Variants in CCDC6 observed in about 807,000 individuals in gnomAD.
The protein encoded by CCDC6 is coiled-coil domain-containing protein 6.
Under a neutral mutation model 56.6 loss-of-function variants are expected in CCDC6, and 20 were observed. The observed-to-expected ratio is 0.35, with a 90% CI of 0.25 to 0.51. The LOEUF (loss-of-function observed/expected upper bound fraction) is 0.51. Among genes scored for constraint, CCDC6 ranks in the 20% least tolerant of loss-of-function variants. The pLI is 0.95. For synonymous variants in CCDC6, 241 were observed against 234.4 expected (o/e 1.03, Z -0.26); for missense variants, 367 against 601.1 (o/e 0.61, Z 4.07).
intron 7 of CCDC6, among the ~76,000 whole-genome samples, chr10:59,798,039 G>A (rs935055116): frequency 3.3e-5 from 5 of 152,166 alleles, no homozygotes; most frequent in Admixed American, 2.0e-4. Flanking sequence ...GTCACCAGCC[G>A]GTCTGGGGAA....
chr10:59,793,204 C>G, intron 8 of CCDC6, 93 bp from the exon 9 acceptor site: 1 of 912,512 alleles, frequency 1.1e-6, no homozygotes, highest in Non-Finnish European at 1.7e-6. Flanking sequence ...GCTAATCAAA[C>G]ACTAACCAAC....
intron 1 of CCDC6, among the ~76,000 whole-genome samples, chr10:59,881,137 T>C (rs2071331784): frequency 1.3e-5 from 2 of 152,136 alleles, no homozygotes; most frequent in African/African-American, 2.4e-5. Context: ...TCCACCATAA[T>C]AGCCATCTTC....
At chr10:59,886,976 C>A (rs568008169) in intron 1 of CCDC6, among the ~76,000 whole-genome samples, 1 of 152,312 alleles carries the variant, frequency 6.6e-6, no homozygotes, top group African/African-American at 2.4e-5. Flanking sequence ...TTTGAGAAAA[C>A]CCTCTGACAG....
intron 3 of CCDC6, among the ~76,000 whole-genome samples, chr10:59,822,897 T>C: frequency 7.7e-6 from 1 of 129,794 alleles, no homozygotes. Flanking sequence ...ACCCTATGCT[T>C]ATAAAAAAAA....
chr10:59,831,727 C>T (rs988540041), intron 3 of CCDC6, among the ~76,000 whole-genome samples: 1 of 152,138 alleles, frequency 6.6e-6, no homozygotes, highest in Non-Finnish European at 1.5e-5. Flanking sequence ...CGGGGAACAC[C>T]GAGGCTAGCA....
chr10:59,844,976 A>G (rs1418250539), intron 2 of CCDC6, among the ~76,000 whole-genome samples: 1 of 152,146 alleles, frequency 6.6e-6, no homozygotes, highest in African/African-American at 2.4e-5. Context: ...GCAGGATATA[A>G]CTCCGTATTT....
chr10:59,868,594 TAGG>T (rs61394488), intron 1 of CCDC6, among the ~76,000 whole-genome samples: 2,591 of 152,280 alleles, frequency 0.017, 66 homozygotes, highest in African/African-American at 0.058. Flanking sequence ...CTGAGGTTGA[TAGG>T]GGTTTGGCAT....
At chr10:59,840,768 T>C (rs1441582747) in intron 2 of CCDC6, among the ~76,000 whole-genome samples, 3 of 152,174 alleles carry the variant, frequency 2.0e-5, no homozygotes, top group African/African-American at 7.2e-5. Context: ...TCTTGATCCT[T>C]TTTTTCTACA....
rs74983879 is a variant in CCDC6, at chr10:59,792,166, T to C, written c.*751A>G. On this transcript the variant is annotated 3_prime_UTR_variant, in exon 9 of 9. Coordinates refer to ENST00000263102, the MANE Select transcript of CCDC6 (RefSeq NM_005436.5). ...GGTGAGTAGGACAACATTTATCGAC[T>C]CATGTTAGAGGGGGCCAGGTTAAGT... The C allele has an allele frequency of 4.7e-4, 112 of 238,120 alleles. 1 individual carries two copies. The East Asian group carries it at 6.6e-3, about 14-fold the overall frequency. 14.8% of individuals were successfully genotyped at this position (238,120 alleles called of 1,614,324 possible). A position where few individuals can be genotyped will look rare whatever the true frequency, so the allele number is the denominator to read the frequency against.
chr10:59,862,542 C>CATATAT (rs1564751057), intron 1 of CCDC6, among the ~76,000 whole-genome samples: 11 of 109,584 alleles, frequency 1.0e-4, no homozygotes, highest in Admixed American at 3.5e-4. Context: ...CACACACACA[C>CATATAT]ACACACACAC....
intron 1 of CCDC6, among the ~76,000 whole-genome samples, chr10:59,863,804 T>C (rs1184378604): frequency 3.9e-5 from 6 of 152,162 alleles, no homozygotes; most frequent in Admixed American, 3.9e-4. Flanking sequence ...GATACAGACT[T>C]AAATATATGA....
intron 2 of CCDC6, among the ~76,000 whole-genome samples, chr10:59,839,036 C>T (rs577254918): frequency 4.6e-5 from 7 of 152,312 alleles, no homozygotes; most frequent in African/African-American, 1.7e-4. Flanking sequence ...GCTAATGCTT[C>T]AGGGCGATTA....
chr10:59,812,891 C>G (rs1328585173), intron 4 of CCDC6, 96 bp from the exon 5 acceptor site: 4 of 813,974 alleles, frequency 4.9e-6, no homozygotes, highest in Non-Finnish European at 7.9e-6. Flanking sequence ...AAAGCAAACT[C>G]CTGTTTACTG....
intron 1 of CCDC6, among the ~76,000 whole-genome samples, chr10:59,854,269 A>G (rs1348823135): frequency 2.0e-5 from 3 of 152,028 alleles, no homozygotes; most frequent in African/African-American, 7.2e-5. Context: ...ACACTCTAAT[A>G]TCCACGGTTT....
intron 1 of CCDC6, among the ~76,000 whole-genome samples, chr10:59,864,554 C>G (rs920644885): frequency 2.6e-5 from 4 of 152,092 alleles, no homozygotes; most frequent in African/African-American, 9.7e-5. Flanking sequence ...AGGATCCCTG[C>G]CAGAGTATTT....
At chr10:59,799,911 C>T (rs3793881) in intron 7 of CCDC6, among the ~76,000 whole-genome samples, 2,494 of 152,244 alleles carry the variant, frequency 0.016, 55 homozygotes, top group East Asian at 0.09. Flanking sequence ...GAGATAATAT[C>T]ACAAAGTGCT....
intron 6 of CCDC6, among the ~76,000 whole-genome samples, chr10:59,805,790 T>A (rs966268259): frequency 9.2e-5 from 14 of 152,208 alleles, no homozygotes; most frequent in African/African-American, 3.4e-4. Flanking sequence ...TTCCTTTTTT[T>A]CTCATTATAA....
chr10:59,790,591 AGAG>A lies in CCDC6; in HGVS notation c.*2323_*2325del, dbSNP rs2070459053. Reference sequence around the variant, plus strand: ...AAGGACACGAACCATCAAATTCAAAAGAGTAGTGTTTGTTCTATCAGTTCTGAA... The same window carrying A: ...AAGGACACGAACCATCAAATTCAAAATAGTGTTTGTTCTATCAGTTCTGAA... On this transcript the variant is annotated 3_prime_UTR_variant, in exon 9 of 9. Transcript: ENST00000263102. The A allele has an allele frequency of 9.0e-6, 2 of 221,800 alleles. No homozygotes were observed. The highest frequency in any genetic ancestry group is 1.9e-4 in the South Asian group (1 of 5,398). The allele number at this position is 221,800 out of a possible 1,614,324, so 13.7% of individuals were successfully genotyped here. A position where few individuals can be genotyped will look rare whatever the true frequency, so the allele number is the denominator to read the frequency against.
At chr10:59,804,315 A>C in intron 7 of CCDC6, 105 bp downstream of exon 7, 1 of 713,186 alleles carries the variant, frequency 1.4e-6, no homozygotes, top group Non-Finnish European at 2.5e-6. Context: ...CATGATTATT[A>C]TCCCTGTTTC....
Sources: gnomAD v4.1 joint callset for allele counts (sites outside exome capture counted in the v4.1 genomes callset) on GRCh38, gnomAD v4.1.1 for gene constraint, MANE v1.5 for transcripts, NCBI Gene and HGNC (gene_info 2026-07-23, HGNC 2026-07-21) for gene names.